The following GASK1A variants were observed in gnomAD, a reference collection of about 807,000 sequenced individuals.
GASK1A encodes Golgi-associated kinase 1A.
In GASK1A, 40 loss-of-function variants were observed where a neutral mutation model predicts 41.2. That is an observed-to-expected ratio of 0.97 (90% CI 0.75 to 1.27). The LOEUF (loss-of-function observed/expected upper bound fraction) is 1.27. Among genes scored for constraint, GASK1A ranks in the 50% most tolerant of loss-of-function variants. The pLI is 0.00. For missense variants in GASK1A, 678 were observed against 745.1 expected (o/e 0.91, Z 1.05); for synonymous variants, 316 against 307.1 (o/e 1.03, Z -0.30).
chr3:42,990,609 C>A (rs1211417547), intron 1 of GASK1A, among the ~76,000 whole-genome samples: 1 of 152,152 alleles, frequency 6.6e-6, no homozygotes, highest in Non-Finnish European at 1.5e-5. Flanking sequence ...AATTCCGAGT[C>A]TTGGGGAGGA....
chr3:43,042,098 T>G (rs1422915920), intron 2 of GASK1A, among the ~76,000 whole-genome samples: 1 of 152,092 alleles, frequency 6.6e-6, no homozygotes, highest in African/African-American at 2.4e-5. Context: ...TTCGGGACAA[T>G]TTCTAGTGTT....
chr3:43,003,053 A>G (rs562442352), intron 1 of GASK1A, among the ~76,000 whole-genome samples: 5 of 152,162 alleles, frequency 3.3e-5, no homozygotes, highest in African/African-American at 1.2e-4. Flanking sequence ...TCTGCAGTGA[A>G]TCTTTAGAGC....
chr3:43,039,193 T>A (rs546494504), intron 2 of GASK1A, among the ~76,000 whole-genome samples: 1 of 64,164 alleles, frequency 1.6e-5, no homozygotes, highest in East Asian at 1.1e-3. Context: ...CACCAGGTAG[T>A]TTTTTTTTTT....
intron 1 of GASK1A, among the ~76,000 whole-genome samples, chr3:42,994,403 G>T (rs920018402): frequency 2.0e-5 from 3 of 152,104 alleles, no homozygotes; most frequent in Non-Finnish European, 4.4e-5. Context: ...GCACTGATAG[G>T]GAGGGCAAGC....
rs2089268966 is a variant in GASK1A at position 42,979,552 on chromosome 3, G to A, written c.-91G>A. 1.6e-6 allele frequency: 2 copies of A among 1,221,462 alleles called. No individual in the cohort carries two copies. Among genetic ancestry groups the A allele is most frequent in the Non-Finnish European group, 2.1e-6 (2 of 974,750 alleles). 75.7% of individuals were successfully genotyped at this position (1,221,462 alleles called of 1,614,324 possible). A position where few individuals can be genotyped will look rare whatever the true frequency, so the allele number is the denominator to read the frequency against. On this transcript the variant is annotated 5_prime_UTR_variant, in exon 1 of 5. Transcript: ENST00000430121. ...CCGCGCATCCTGGGAAGCCTGGCGA[G>A]CCACGGCGCCGGGGGCGGCCAAGGG...
In GASK1A at chr3:43,032,382, C is replaced by T. The variant is rs537572543; in HGVS notation, c.119C>T (p.Ala40Val). The change falls in exon 2 of 5, where the codon GCC becomes GTC. Residue 40 changes from alanine (A) to valine (V), a missense_variant. Ala to Val is a moderately conservative substitution (Grantham distance 64). Coordinates refer to ENST00000430121, the MANE Select transcript of GASK1A (RefSeq NM_001129908.3). ...VTRFPPQRPS[A>V]GPDPGPMEPQ... ...CGCTTTCCCCCACAGCGTCCATCCG[C>T]CGGCCCAGACCCTGGTCCCATGGAG... The T allele has an allele frequency of 1.3e-6, 2 of 1,551,538 alleles. No individual in the cohort carries two copies.
At chr3:43,027,199 C>T (rs949723554) in intron 1 of GASK1A, among the ~76,000 whole-genome samples, 2 of 152,098 alleles carry the variant, frequency 1.3e-5, no homozygotes, top group African/African-American at 2.4e-5. Flanking sequence ...AATATTGTTC[C>T]CATGTGAATT....
At chr3:43,055,064 C>A (rs971463596) in intron 3 of GASK1A, among the ~76,000 whole-genome samples, 22 of 152,296 alleles carry the variant, frequency 1.4e-4, no homozygotes, top group African/African-American at 5.3e-4. Flanking sequence ...TTTGGCCTTG[C>A]GATTTAGCAG....
At chr3:43,028,017 C>T (rs2125685092) in intron 1 of GASK1A, among the ~76,000 whole-genome samples, 1 of 152,220 alleles carries the variant, frequency 6.6e-6, no homozygotes, top group East Asian at 1.9e-4. Context: ...GTTCCTGGGT[C>T]ATAGGTAGAT....
chr3:43,018,004 A>AT (rs1196284853), intron 1 of GASK1A, among the ~76,000 whole-genome samples: 1 of 152,024 alleles, frequency 6.6e-6, no homozygotes, highest in Admixed American at 6.6e-5. Flanking sequence ...AAGTGGCCGT[A>AT]TGAAGTCACA....
chr3:43,009,057 A>C (rs1469935881), intron 1 of GASK1A, among the ~76,000 whole-genome samples: 1 of 152,214 alleles, frequency 6.6e-6, no homozygotes, highest in Non-Finnish European at 1.5e-5. Context: ...CACTTTATAT[A>C]CATTAAAATA....
intron 1 of GASK1A, among the ~76,000 whole-genome samples, chr3:43,003,697 C>T (rs2089421257): frequency 2.6e-5 from 4 of 152,084 alleles, no homozygotes; most frequent in Admixed American, 2.6e-4. Flanking sequence ...AATATCAGAA[C>T]TGCTATTTAC....
Position 43,032,145 on chromosome 3 carries a change from G to A in GASK1A, c.4-122G>A, listed in dbSNP as rs1033608965. On this transcript the variant is annotated intron_variant, in intron 1 of 4. Transcript: ENST00000430121. ...GGCAGCCAGCTGTCCCTCCACTTGG[G>A]CTGTGCTCTTCTCTTTCTCTCATGA... The A allele has an allele frequency of 4.0e-6, 3 of 748,646 alleles. No individual in the cohort carries two copies. In the African/African-American group the frequency reaches 5.3e-5, roughly 13 times the overall value. The allele number at this position is 748,646 out of a possible 1,614,324, so 46.4% of individuals were successfully genotyped here.
At chr3:43,043,562 G>C (rs514884) in intron 2 of GASK1A, among the ~76,000 whole-genome samples, 150,682 of 152,326 alleles carry the variant, frequency 0.99, 74,555 homozygotes, top group Middle Eastern at 1. Flanking sequence ...TACTCAGCCT[G>C]TGTGACTCAT....
chr3:42,988,412 G>A (rs991522591), intron 1 of GASK1A, among the ~76,000 whole-genome samples: 2 of 152,186 alleles, frequency 1.3e-5, no homozygotes, highest in South Asian at 4.1e-4. Context: ...GGTTCTATAA[G>A]AGCCAGGTTG....
chr3:43,028,970 C>T (rs1163350434), intron 1 of GASK1A, among the ~76,000 whole-genome samples: 2 of 152,098 alleles, frequency 1.3e-5, no homozygotes, highest in Non-Finnish European at 2.9e-5. Context: ...CATATAGGCT[C>T]ACCTGCTGGC....
chr3:43,043,079 G>T (rs1023761143), intron 2 of GASK1A, among the ~76,000 whole-genome samples: 2 of 152,156 alleles, frequency 1.3e-5, no homozygotes, highest in Admixed American at 6.5e-5. Flanking sequence ...GAGGTATTGG[G>T]GTATGGGAAG....
intron 2 of GASK1A, among the ~76,000 whole-genome samples, chr3:43,035,068 TG>T (rs1199296914): frequency 2.4e-4 from 37 of 152,188 alleles, no homozygotes; most frequent in Admixed American, 2.4e-3. Flanking sequence ...ATCAAGAGCA[TG>T]GGCCTTGGCA....
intron 1 of GASK1A, among the ~76,000 whole-genome samples, chr3:43,015,121 G>A (rs2089483341): frequency 2.0e-5 from 3 of 151,946 alleles, no homozygotes; most frequent in South Asian, 2.1e-4. Flanking sequence ...GACATCACAG[G>A]TAGGGGCAGT....
Sources: allele counts gnomAD v4.1 joint callset (sites outside exome capture counted in the v4.1 genomes callset), GRCh38; gene constraint gnomAD v4.1.1; transcripts MANE v1.5; gene names NCBI Gene and HGNC (gene_info 2026-07-23, HGNC 2026-07-21).